The following JMY variants were observed in gnomAD, a reference collection of about 807,000 sequenced individuals.
JMY encodes the protein junction-mediating and -regulatory protein.
A neutral mutation model predicts 103.3 loss-of-function variants in JMY; 46 were observed. The ratio of observed to expected loss-of-function variants is 0.45; its 90% CI spans 0.35 to 0.57. The LOEUF (loss-of-function observed/expected upper bound fraction) is 0.57. Ranked by LOEUF, JMY falls within the 20% of genes least tolerant of loss-of-function variation. The pLI, the probability that JMY is intolerant of heterozygous loss-of-function variation, is 0.00. For missense variants in JMY, 1,238 were observed against 1,255.2 expected (o/e 0.99, Z 0.21); for synonymous variants, 526 against 489.3 (o/e 1.07, Z -0.99).
At chr5:79,239,177 A>G (rs1436039801) in intron 1 of JMY, among the ~76,000 whole-genome samples, 2 of 152,214 alleles carry the variant, frequency 1.3e-5, no homozygotes, top group Non-Finnish European at 2.9e-5. Context: ...TCCCGAATCC[A>G]GATTTTCACT....
chr5:79,307,895 C>T (rs539602575), intron 7 of JMY, among the ~76,000 whole-genome samples: 4 of 152,164 alleles, frequency 2.6e-5, no homozygotes, highest in South Asian at 2.1e-4. Context: ...TGCATCACCA[C>T]GCCCAGCTAA....
chr5:79,285,936 G>C (rs1453705124), intron 2 of JMY, among the ~76,000 whole-genome samples: 1 of 147,972 alleles, frequency 6.8e-6, no homozygotes, highest in East Asian at 2.0e-4. Context: ...TTATAAACTA[G>C]TTTCGCTATC....
At chr5:79,253,684 G>C (rs972020041) in intron 1 of JMY, among the ~76,000 whole-genome samples, 3 of 152,046 alleles carry the variant, frequency 2.0e-5, no homozygotes, top group African/African-American at 7.2e-5. Flanking sequence ...TATTATCAGT[G>C]AGTTTTGTAC....
At position 79,316,198 on chromosome 5, in the gene JMY, C is replaced by G. The variant is rs1747212728; in HGVS notation, c.2858C>G (p.Thr953Arg). The change falls in exon 10 of 11, where the codon ACA becomes AGA. Residue 953 changes from threonine (T) to arginine (R), a missense_variant. Coordinates refer to ENST00000396137, the MANE Select transcript of JMY (RefSeq NM_152405.5). ...GAATCCTTCACACTTCTACCCGATA[C>G]AGACCCTCTAACACGGAGCATCCAT... ...LRESFTLLPD[T>R]DPLTRSIHEA... 1.2e-6 allele frequency: 2 copies of G among 1,614,014 alleles called. No homozygotes were observed. Among genetic ancestry groups the G allele is most frequent in the African/African-American group, 2.7e-5 (2 of 75,034 alleles).
chr5:79,237,137 G>T lies in JMY; in HGVS notation c.487G>T (p.Ala163Ser). Residue 163 changes from alanine (A) to serine (S), a missense_variant, in exon 1 of 11, where the codon GCA (alanine) becomes TCA (serine). Coordinates refer to ENST00000396137, the MANE Select transcript of JMY (RefSeq NM_152405.5). ...ATCTGAAGCCGACGATGCGGCGGGG[G>T]CAGCCGCTGCAGCAGCCCGGCCGGC... is the stretch of plus-strand genomic sequence containing the variant. ...KTSEADDAAGAAAAAARPAPR... is the reference protein window; with the variant it reads ...KTSEADDAAGSAAAAARPAPR... 1 of 1,547,836 alleles carries T rather than the reference G, an allele frequency of 6.5e-7. No individual in the cohort carries two copies. Among genetic ancestry groups the T allele is most frequent in the Admixed American group, 2.0e-5 (1 of 50,938 alleles).
intron 1 of JMY, among the ~76,000 whole-genome samples, chr5:79,267,484 A>AATATT (rs1745618802): frequency 6.6e-6 from 1 of 152,028 alleles, no homozygotes; most frequent in African/African-American, 2.4e-5. Flanking sequence ...GGAATCATAT[A>AATATT]TAGCCTTTTC....
At chr5:79,310,236 T>C (rs111669476) in intron 7 of JMY, among the ~76,000 whole-genome samples, 1,934 of 151,934 alleles carry the variant, frequency 0.013, 39 homozygotes, top group African/African-American at 0.043. Context: ...CTAATTTTTG[T>C]ATTTTTAGTA....
intron 2 of JMY, among the ~76,000 whole-genome samples, chr5:79,280,813 AACTGAT>A: frequency 6.6e-6 from 1 of 152,004 alleles, no homozygotes; most frequent in South Asian, 2.1e-4. Context: ...TAAGTGGTAG[AACTGAT>A]ACAGTACTCA....
In JMY at chr5:79,270,914, G is replaced by A. The variant is rs1414628892; in HGVS notation, c.1033-6996G>A. On this transcript the variant is annotated intron_variant, in intron 1 of 10. Transcript: ENST00000396137. ...GATTTTTCTTGTTTAGCCTGTTTTTGTAGTAGATGACAATTGATTATTGAC... is the reference window on the plus strand; with the variant it reads ...GATTTTTCTTGTTTAGCCTGTTTTTATAGTAGATGACAATTGATTATTGAC... Among the ~76,000 whole-genome samples the A allele has an allele frequency of 6.6e-5, 10 of 151,702 alleles. No homozygotes were observed. In the East Asian group the frequency reaches 1.9e-3, roughly 29 times the overall value.
chr5:79,252,563 T>C (rs1306602144), intron 1 of JMY, among the ~76,000 whole-genome samples: 1 of 152,202 alleles, frequency 6.6e-6, no homozygotes, highest in Non-Finnish European at 1.5e-5. Context: ...AAGTGGGATG[T>C]TGAAGTCTCC....
intron 10 of JMY, among the ~76,000 whole-genome samples, chr5:79,319,224 G>A (rs1032872812): frequency 6.6e-6 from 1 of 152,204 alleles, no homozygotes; most frequent in Non-Finnish European, 1.5e-5. Context: ...AGTATCAGAT[G>A]TTAACATGGT....
chr5:79,241,767 A>G lies in JMY; in HGVS notation c.1032+4085A>G, dbSNP rs553842000. Reference sequence around the variant, plus strand: ...GTGAAAGGTGAAATTTGTTACTGGTATGTTTGAATTTGGACTTTTACAAGA... The same window carrying G: ...GTGAAAGGTGAAATTTGTTACTGGTGTGTTTGAATTTGGACTTTTACAAGA... On this transcript the variant is annotated intron_variant, in intron 1 of 10. Transcript: ENST00000396137. Among the ~76,000 whole-genome samples, 8 of 152,320 alleles carry G rather than the reference A, an allele frequency of 5.3e-5. No homozygotes were observed. In the South Asian group the frequency reaches 1.7e-3, roughly 32 times the overall value.
chr5:79,263,777 C>A (rs1372347902), intron 1 of JMY, among the ~76,000 whole-genome samples: 1 of 151,662 alleles, frequency 6.6e-6, no homozygotes, highest in East Asian at 1.9e-4. Flanking sequence ...GCTTTGGCAT[C>A]CTGATGTGTG....
At chr5:79,309,974 G>GAATGAGTA (rs1393162513) in intron 7 of JMY, among the ~76,000 whole-genome samples, 9 of 150,640 alleles carry the variant, frequency 6.0e-5, no homozygotes, top group African/African-American at 2.2e-4. Context: ...TTTTTAGAAT[G>GAATGAGTA]AATGAGTATC....
chr5:79,256,774 C>G (rs1471934424), intron 1 of JMY, among the ~76,000 whole-genome samples: 1 of 151,194 alleles, frequency 6.6e-6, no homozygotes, highest in Non-Finnish European at 1.5e-5. Flanking sequence ...CCCACCCTTC[C>G]TTTCATTTCT....
intron 1 of JMY, among the ~76,000 whole-genome samples, chr5:79,251,565 A>C (rs1235121817): frequency 2.0e-5 from 3 of 151,940 alleles, no homozygotes; most frequent in African/African-American, 7.2e-5. Flanking sequence ...TTACACTATT[A>C]AATTATTATT....
chr5:79,314,652 C>G lies in JMY; in HGVS notation c.2460C>G (p.Pro820=), dbSNP rs1561316124. The G allele has an allele frequency of 1.3e-6, 2 of 1,567,266 alleles. No homozygotes were observed. Among genetic ancestry groups the G allele is most frequent in the Non-Finnish European group, 1.7e-6 (2 of 1,151,972 alleles). ...TPPPPPPPPP[P]PPPPPLPVAK... ...CACCTCCCCCACCTCCTCCCCCTCC[C>G]CCACCACCACCACCTCTGCCTGTTG... The change falls in exon 9 of 11, where the codon CCC becomes CCG. Residue 820 remains proline (P), a synonymous_variant. Coordinates refer to ENST00000396137, the MANE Select transcript of JMY (RefSeq NM_152405.5).
At chr5:79,281,265 C>T (rs371508338) in intron 2 of JMY, among the ~76,000 whole-genome samples, 2 of 151,000 alleles carry the variant, frequency 1.3e-5, no homozygotes, top group South Asian at 2.1e-4. Flanking sequence ...AGGATGGTCT[C>T]GATCTCCTGA....
intron 1 of JMY, among the ~76,000 whole-genome samples, chr5:79,264,255 T>G (rs1745513393): frequency 1.5e-5 from 2 of 135,290 alleles, no homozygotes; most frequent in African/African-American, 4.9e-5. Context: ...CTGGCTAATT[T>G]TTTGTGTTTT....
Sources: gnomAD v4.1 joint callset for allele counts (sites outside exome capture counted in the v4.1 genomes callset) on GRCh38, gnomAD v4.1.1 for gene constraint, MANE v1.5 for transcripts, NCBI Gene and HGNC (gene_info 2026-07-23, HGNC 2026-07-21) for gene names.